The following RHBDF2 variants were observed in gnomAD, a reference collection of about 807,000 sequenced individuals.
The protein encoded by RHBDF2 is inactive rhomboid protein 2.
RHBDF2 carries 38 observed loss-of-function variants against 95.2 expected under a neutral mutation model. That is an observed-to-expected ratio of 0.40 (90% CI 0.31 to 0.52). RHBDF2 has a LOEUF of 0.52. RHBDF2 is among the 20% of genes least tolerant of loss of function. The probability of loss-of-function intolerance (pLI) is 0.56; values close to 1 mark genes in which losing one functional copy is unlikely to be tolerated. For synonymous variants in RHBDF2, 442 were observed against 462.0 expected (o/e 0.96, Z 0.55); for missense variants, 863 against 1,137.7 (o/e 0.76, Z 3.47).
chr17:76,479,300 G>C (rs1196790538), intron 4 of RHBDF2, 23 bp from the exon 5 acceptor site: 2 of 1,578,378 alleles, frequency 1.3e-6, no homozygotes, highest in African/African-American at 1.3e-5. Flanking sequence ...ACAAGGGACA[G>C]GTGGGCATAC....
At chr17:76,473,562 G>T in intron 15 of RHBDF2, 86 bp downstream of exon 15, 1 of 1,183,986 alleles carries the variant, frequency 8.4e-7, no homozygotes. Flanking sequence ...GCTGTGGGTG[G>T]TGACGGTGGA....
chr17:76,477,854 G>A (rs2073824398), intron 6 of RHBDF2, 69 bp from the exon 7 acceptor site: 5 of 1,577,506 alleles, frequency 3.2e-6, no homozygotes, highest in Non-Finnish European at 4.3e-6. Context: ...CCCCAACACC[G>A]AAGGAATCAT....
intron 2 of RHBDF2, among the ~76,000 whole-genome samples, chr17:76,485,402 ACT>A (rs1181391181): frequency 8.5e-6 from 1 of 117,718 alleles, no homozygotes; most frequent in Non-Finnish European, 1.7e-5. Context: ...CAACAGCAAA[ACT>A]CTGTCTCAAA....
intron 1 of RHBDF2, among the ~76,000 whole-genome samples, chr17:76,499,759 C>T (rs921178462): frequency 3.3e-5 from 5 of 152,186 alleles, no homozygotes; most frequent in African/African-American, 1.2e-4. Flanking sequence ...AGCAATCCAG[C>T]TTTGGGAAAA....
rs2073793223 is a variant in RHBDF2, at chr17:76,476,991, G to A, written c.954C>T (p.Pro318=). 6.2e-7 allele frequency: 1 copy of A among 1,613,778 alleles called. No homozygotes were observed. The highest frequency in any genetic ancestry group is 1.1e-5 in the South Asian group (1 of 91,082). ...KEYGRAPVPG[P]RRGKRIASKV... ...TGGAGGCGATGCGCTTGCCGCGCCG[G>A]GGCCCGGGGACTGGGGCTCGGCCAT... Residue 318 remains proline, a synonymous_variant, in exon 9 of 19, where the codon CCC becomes CCT. Transcript: ENST00000675367.
At chr17:76,481,673 G>C in intron 2 of RHBDF2, 128 bp from the exon 3 acceptor site, 1 of 823,390 alleles carries the variant, frequency 1.2e-6, no homozygotes, top group Non-Finnish European at 1.8e-6. Context: ...ATCTCTGGGC[G>C]GCTGGGCGCG....
At position 76,481,468 on chromosome 17, in the gene RHBDF2, C is replaced by T. The variant is rs1189727323; in HGVS notation, c.57G>A (p.Leu19=). Residue 19 remains leucine, a synonymous_variant, in exon 3 of 19, where the codon CTG becomes CTA. Coordinates refer to ENST00000675367, the MANE Select transcript of RHBDF2 (RefSeq NM_001005498.4). The stretch of plus-strand genomic sequence containing the variant: ...AGAGGTTGGGTGGCTTCCGGCTCTG[C>T]AGGCGGCTGCTGGACACAGAGGACA... ...GSVSSVSSSR[L]QSRKPPNLSI... is the part of the protein sequence containing the mutation. 1.9e-6 allele frequency: 3 copies of T among 1,612,214 alleles called. No individual in the cohort carries two copies. Among genetic ancestry groups the T allele is most frequent in the Non-Finnish European group, 1.7e-6 (2 of 1,179,982 alleles).
intron 9 of RHBDF2, among the ~76,000 whole-genome samples, chr17:76,475,635 T>C (rs1404219535): frequency 4.6e-5 from 7 of 152,074 alleles, no homozygotes; most frequent in Admixed American, 2.0e-4. Context: ...TAGGCTGGAA[T>C]GCAGTTGTGC....
chr17:76,490,248 C>T (rs989250657), intron 1 of RHBDF2, among the ~76,000 whole-genome samples: 1 of 152,168 alleles, frequency 6.6e-6, no homozygotes, highest in Non-Finnish European at 1.5e-5. Flanking sequence ...CTGGCTTCGC[C>T]TCCTTCCATC....
At chr17:76,478,612 A>G (rs539696055) in intron 6 of RHBDF2, among the ~76,000 whole-genome samples, 194 bp downstream of exon 6, 2 of 152,242 alleles carry the variant, frequency 1.3e-5, no homozygotes, top group South Asian at 4.1e-4. Context: ...GAGATTTAAG[A>G]CAGAAGGATG....
In RHBDF2 at chr17:76,471,750, G is replaced by C; in HGVS notation, c.2367C>G (p.Ala789=). ...GGTAGATGTACAGCCACAGCACGAG[G>C]GCGGCGAAGAGGCCGGCAAAGGCCA... ...SLLAFAGLFA[A]LVLWLYIYPI... The change falls in exon 19 of 19, where the codon GCC becomes GCG. Residue 789 remains alanine (A), a synonymous_variant. Transcript: ENST00000675367. 6.2e-7 allele frequency: 1 copy of C among 1,610,924 alleles called. No individual in the cohort carries two copies. The highest frequency in any genetic ancestry group is 1.7e-5 in the Admixed American group (1 of 59,498).
chr17:76,479,737 G>A lies in RHBDF2; in HGVS notation c.268C>T (p.Arg90Cys), dbSNP rs769387875. ...CTTGGGTGTAGGGGGGCTCACTTGC[G>A]GATGCTCTGGGACAGTGAGGCCTGG... is the stretch of plus-strand genomic sequence containing the variant. ...RRQASLSQSI[R>C]KGAAQWFGVS... The change falls in exon 4 of 19, where the codon CGC (arginine) becomes TGC (cysteine). Residue 90 changes from arginine (R) to cysteine (C), a missense_variant. Physicochemically the swap from Arg to Cys is radical, Grantham distance 180. Around this residue, in one of 2 missense-constraint regions of RHBDF2, gnomAD observed 611 missense variants for 725.5 expected, o/e 0.84. Transcript: ENST00000675367. 20 of 1,607,504 alleles carry A rather than the reference G, an allele frequency of 1.2e-5. No homozygotes were observed. Among genetic ancestry groups the A allele is most frequent in the Middle Eastern group, 1.9e-4 (1 of 5,216 alleles).
intron 2 of RHBDF2, among the ~76,000 whole-genome samples, chr17:76,486,952 C>CA (rs1555618099): frequency 1.1e-4 from 8 of 72,622 alleles, no homozygotes; most frequent in Non-Finnish European, 7.4e-5. Flanking sequence ...CGCTTCCTGC[C>CA]TTTTTTTTTT....
chr17:76,485,061 C>A (rs1176202130), intron 2 of RHBDF2, among the ~76,000 whole-genome samples: 1 of 152,070 alleles, frequency 6.6e-6, no homozygotes, highest in Non-Finnish European at 1.5e-5. Context: ...CACCTAAGGC[C>A]AGGAGTTCAA....
intron 6 of RHBDF2, 51 bp from the exon 7 acceptor site, chr17:76,477,836 G>T (rs749189896): frequency 1.6e-5 from 26 of 1,590,308 alleles, no homozygotes; most frequent in Non-Finnish European, 2.1e-5. Context: ...GGCCACCTAG[G>T]CCCCCAGCCC....
chr17:76,473,287 C>T lies in RHBDF2; in HGVS notation c.1774G>A (p.Gly592Ser), dbSNP rs1327070986. Residue 592 changes from glycine (G) to serine (S), a missense_variant, in exon 16 of 19, where the codon GGC becomes AGC. This residue lies in a region of RHBDF2 where 252 missense variants were observed against 412.2 expected (regional missense o/e 0.61). Transcript: ENST00000675367. ...TTREYCEFMH[G>S]YFHEEATLCS... ...AGTGTTGCTTCCTCATGGAAATAGCCGTGCATGAACTCACAGTATTCCCGG... is the reference window on the plus strand; with the variant it reads ...AGTGTTGCTTCCTCATGGAAATAGCTGTGCATGAACTCACAGTATTCCCGG... The T allele has an allele frequency of 3.7e-6, 6 of 1,612,886 alleles. No individual in the cohort carries two copies. The highest frequency in any genetic ancestry group is 8.5e-7 in the Non-Finnish European group (1 of 1,179,480).
chr17:76,475,168 G>A (rs756134979), intron 9 of RHBDF2, 27 bp from the exon 10 acceptor site: 1 of 1,522,662 alleles, frequency 6.6e-7, no homozygotes, highest in East Asian at 2.4e-5. Flanking sequence ...CGGGTCAGCT[G>A]AGCCGAGCTC....
At chr17:76,497,621 C>T (rs902483808) in intron 1 of RHBDF2, among the ~76,000 whole-genome samples, 5 of 152,226 alleles carry the variant, frequency 3.3e-5, no homozygotes, top group South Asian at 2.1e-4. Context: ...GATGGCTCCC[C>T]GCACTGCTCC....
rs142476559 is a variant in RHBDF2 at position 76,490,245 on chromosome 17, C to T, written c.-219-2336G>A. Among the ~76,000 whole-genome samples the T allele has an allele frequency of 5.4e-3, 820 of 152,294 alleles. 6 individuals are homozygous for T. The highest frequency in any genetic ancestry group is 0.014 in the Middle Eastern group (4 of 294). ...AAGGCTAGTCCAGCAGCGCTGGCTT[C>T]GCCTCCTTCCATCCCGAAGTGCTGG... On this transcript the variant is annotated intron_variant, in intron 1 of 18. Coordinates refer to ENST00000675367, the MANE Select transcript of RHBDF2 (RefSeq NM_001005498.4).
Sources: gnomAD v4.1 joint callset for allele counts (sites outside exome capture counted in the v4.1 genomes callset) on GRCh38, gnomAD v4.1.1 for gene constraint, gnomAD v4.1.1 regional missense constraint, MANE v1.5 for transcripts, NCBI Gene and HGNC (gene_info 2026-07-23, HGNC 2026-07-21) for gene names.